The following EPS15 variants were observed in gnomAD, a reference collection of about 807,000 sequenced individuals.
The protein encoded by EPS15 is epidermal growth factor receptor pathway substrate 15, also known as epidermal growth factor receptor substrate 15.
Under a neutral mutation model 113.8 loss-of-function variants are expected in EPS15, and 72 were observed. The observed-to-expected ratio is 0.63, with a 90% CI of 0.52 to 0.77. The LOEUF (loss-of-function observed/expected upper bound fraction) is 0.77. Among genes scored for constraint, EPS15 ranks in the 30% least tolerant of loss-of-function variants. The probability of loss-of-function intolerance (pLI) is 0.00; values close to 1 mark genes in which losing one functional copy is unlikely to be tolerated. For missense variants in EPS15, 1,048 were observed against 1,045.8 expected, an observed-to-expected ratio of 1.00 and a Z score of -0.03; for synonymous variants, 344 against 363.4, an observed-to-expected ratio of 0.95 and a Z score of 0.61.
intron 1 of EPS15, among the ~76,000 whole-genome samples, chr1:51,486,945 C>T (rs976091425): frequency 6.6e-6 from 1 of 152,130 alleles, no homozygotes; most frequent in African/African-American, 2.4e-5. Flanking sequence ...GCTGGGATTA[C>T]AGGCATAAGC....
At chr1:51,463,650 T>G in intron 7 of EPS15, 23 bp downstream of exon 7, 1 of 1,456,824 alleles carries the variant, frequency 6.9e-7, no homozygotes, top group African/African-American at 1.4e-5. Flanking sequence ...AAAAATTACA[T>G]TTCGGAGTAA....
chr1:51,491,431 C>T lies in EPS15; in HGVS notation c.34-10117G>A, dbSNP rs373946408. On this transcript the variant is annotated intron_variant, in intron 1 of 24. Transcript: ENST00000371733. Reference sequence around the variant, plus strand: ...TACACCAAGAGTCTATGTTTTTATACACATAGGTTTATAGTTTGCAAGACA... The same window carrying T: ...TACACCAAGAGTCTATGTTTTTATATACATAGGTTTATAGTTTGCAAGACA... Among the ~76,000 whole-genome samples the T allele has an allele frequency of 9.9e-5, 15 of 152,238 alleles. No homozygotes were observed. The East Asian group carries it at 2.9e-3, about 29-fold the overall frequency.
intron 20 of EPS15, among the ~76,000 whole-genome samples, chr1:51,395,288 AC>A (rs1163432522): frequency 6.6e-6 from 1 of 152,194 alleles, no homozygotes; most frequent in Non-Finnish European, 1.5e-5. Flanking sequence ...AACTAAGAAC[AC>A]TGGTACAAAA....
chr1:51,357,006 T>G (rs559563089), intron 24 of EPS15, among the ~76,000 whole-genome samples, 160 bp from the exon 25 acceptor site: 1 of 152,098 alleles, frequency 6.6e-6, no homozygotes, highest in Non-Finnish European at 1.5e-5. Context: ...ATGTTTAATA[T>G]TAACCAGTTA....
At chr1:51,510,896 GGCTCAC>G (rs1246792357) in intron 1 of EPS15, among the ~76,000 whole-genome samples, 1 of 152,178 alleles carries the variant, frequency 6.6e-6, no homozygotes, top group Non-Finnish European at 1.5e-5. Flanking sequence ...CGGGCACGAT[GGCTCAC>G]GCCTGTAATC....
At chr1:51,466,742 A>G (rs1654873313) in intron 5 of EPS15, among the ~76,000 whole-genome samples, 1 of 152,122 alleles carries the variant, frequency 6.6e-6, no homozygotes, top group Non-Finnish European at 1.5e-5. Context: ...ACAAAAGACA[A>G]TAATAAGCCA....
At chr1:51,421,242 C>T (rs993341137) in intron 13 of EPS15, among the ~76,000 whole-genome samples, 8 of 152,088 alleles carry the variant, frequency 5.3e-5, no homozygotes, top group African/African-American at 1.7e-4. Flanking sequence ...TGAACTAAAG[C>T]TCTTTATGCC....
chr1:51,473,006 A>G, intron 2 of EPS15, 58 bp from the exon 3 acceptor site: 1 of 1,275,616 alleles, frequency 7.8e-7, no homozygotes. Context: ...AATTATCACC[A>G]TTTACCTGCC....
At chr1:51,476,747 T>C (rs1439161187) in intron 2 of EPS15, among the ~76,000 whole-genome samples, 7 of 152,188 alleles carry the variant, frequency 4.6e-5, no homozygotes, top group Non-Finnish European at 8.8e-5. Context: ...ATTTATATGC[T>C]GGATTATGTT....
chr1:51,478,433 T>C (rs1252457613), intron 2 of EPS15, among the ~76,000 whole-genome samples: 1 of 152,130 alleles, frequency 6.6e-6, no homozygotes, highest in Non-Finnish European at 1.5e-5. Flanking sequence ...TGTCTTTTAA[T>C]TGGAGCATTT....
intron 21 of EPS15, among the ~76,000 whole-genome samples, chr1:51,387,391 C>T (rs552797279): frequency 6.6e-6 from 1 of 152,144 alleles, no homozygotes; most frequent in African/African-American, 2.4e-5. Context: ...ACCATCGAGA[C>T]TAGGAAGAAA....
At chr1:51,444,054 A>C in intron 11 of EPS15, among the ~76,000 whole-genome samples, 1 of 152,224 alleles carries the variant, frequency 6.6e-6, no homozygotes, top group Non-Finnish European at 1.5e-5. Flanking sequence ...AGCTCTCCTC[A>C]TACCACACAT....
chr1:51,419,879 G>C (rs1368079883), intron 13 of EPS15, among the ~76,000 whole-genome samples: 1 of 151,948 alleles, frequency 6.6e-6, no homozygotes, highest in Non-Finnish European at 1.5e-5. Context: ...ACTAATATAA[G>C]AGTTTTAATT....
At chr1:51,497,602 T>C (rs75371696) in intron 1 of EPS15, among the ~76,000 whole-genome samples, 2,299 of 152,314 alleles carry the variant, frequency 0.015, 71 homozygotes, top group African/African-American at 0.052. Flanking sequence ...AGAAGTATCA[T>C]GACATATAAA....
In EPS15 at chr1:51,363,058, G is replaced by A. The variant is rs1414947592; in HGVS notation, c.2359+808C>T. Among the ~76,000 whole-genome samples, 3 of 152,250 alleles carry A rather than the reference G, an allele frequency of 2.0e-5. No homozygotes were observed. In the South Asian group the frequency reaches 6.2e-4, roughly 32 times the overall value. Reference sequence around the variant, plus strand: ...CACACCTGTAATCCCAGCACTTTGGGAGGCCGAGGTGGACAGATCACTTGA... The same window carrying A: ...CACACCTGTAATCCCAGCACTTTGGAAGGCCGAGGTGGACAGATCACTTGA... On this transcript the variant is annotated intron_variant, in intron 23 of 24. Transcript: ENST00000371733.
chr1:51,467,544 A>T (rs1027042497), intron 5 of EPS15, among the ~76,000 whole-genome samples: 6 of 152,228 alleles, frequency 3.9e-5, no homozygotes, highest in African/African-American at 1.4e-4. Context: ...AAAACTTAAT[A>T]AGCTACTTAT....
intron 1 of EPS15, among the ~76,000 whole-genome samples, chr1:51,501,304 AG>A (rs1286136205): frequency 6.6e-6 from 1 of 151,278 alleles, no homozygotes; most frequent in Non-Finnish European, 1.5e-5. Flanking sequence ...GCTACCCAGG[AG>A]GCTGAGGAAG....
At chr1:51,515,210 C>G (rs1644692736) in intron 1 of EPS15, among the ~76,000 whole-genome samples, 1 of 151,618 alleles carries the variant, frequency 6.6e-6, no homozygotes, top group Admixed American at 6.6e-5. Flanking sequence ...CATTTATATA[C>G]TAGGATTTTT....
intron 1 of EPS15, among the ~76,000 whole-genome samples, chr1:51,492,993 C>A (rs1395990821): frequency 6.6e-6 from 1 of 152,068 alleles, no homozygotes; most frequent in Non-Finnish European, 1.5e-5. Context: ...TTTGGGAGGC[C>A]AAGGCGGGCG....
Sources: gnomAD v4.1 joint callset for allele counts (sites outside exome capture counted in the v4.1 genomes callset) on GRCh38, gnomAD v4.1.1 for gene constraint, MANE v1.5 for transcripts, NCBI Gene and HGNC (gene_info 2026-07-23, HGNC 2026-07-21) for gene names.